The following ANKRD13B variants were observed in gnomAD, a reference collection of about 807,000 sequenced individuals.
ANKRD13B encodes ankyrin repeat domain 13B.
In ANKRD13B, 33 loss-of-function variants were observed where a neutral mutation model predicts 74.4. The observed-to-expected ratio is 0.44, with a 90% CI of 0.34 to 0.59. The LOEUF is 0.59. Ranked by LOEUF, ANKRD13B falls within the 20% of genes least tolerant of loss-of-function variation. The probability of loss-of-function intolerance (pLI) is 0.02; values close to 1 mark genes in which losing one functional copy is unlikely to be tolerated. For missense variants in ANKRD13B, 676 were observed against 877.9 expected (o/e 0.77, Z 2.91); for synonymous variants, 341 against 362.9 (o/e 0.94, Z 0.68).
At chr17:29,599,712 C>T (rs1216484583) in intron 1 of ANKRD13B, among the ~76,000 whole-genome samples, 2 of 151,860 alleles carry the variant, frequency 1.3e-5, no homozygotes, top group Non-Finnish European at 2.9e-5. Context: ...GGGCAGGAGA[C>T]GTCATGGAAA....
At chr17:29,594,282 A>G (rs549927396) in intron 1 of ANKRD13B, among the ~76,000 whole-genome samples, 56 of 152,316 alleles carry the variant, frequency 3.7e-4, no homozygotes, top group African/African-American at 1.2e-3. Context: ...GGAGTGGAGA[A>G]AGACCCTCTT....
At chr17:29,595,790 G>A (rs1191936631) in intron 1 of ANKRD13B, among the ~76,000 whole-genome samples, 4 of 152,296 alleles carry the variant, frequency 2.6e-5, no homozygotes, top group African/African-American at 9.6e-5. Flanking sequence ...CCACAGAGGA[G>A]CCAGGCCAGT....
intron 14 of ANKRD13B, 110 bp downstream of exon 14, chr17:29,613,073 C>T (rs919744960): frequency 1.1e-4 from 162 of 1,416,216 alleles, no homozygotes; most frequent in Non-Finnish European, 1.5e-4. Context: ...CTCCTGGTAT[C>T]GGGATGGCTT....
chr17:29,609,279 G>A lies in ANKRD13B; in HGVS notation c.755+4G>A. ...CCAAGAATATCTCCTTTGAGAGGTG[G>A]GTGGACATGGCCTTGGTCACCCTTG... is the stretch of plus-strand genomic sequence containing the variant. On this transcript the variant is annotated splice_donor_region_variant and intron_variant, in intron 6 of 14. Coordinates refer to ENST00000394859, the MANE Select transcript of ANKRD13B (RefSeq NM_152345.5). This position sits in a 1 kb window ranked among gnomAD's most constrained non-coding sequence, Gnocchi z 4.0. The A allele has an allele frequency of 1.2e-6, 2 of 1,612,964 alleles. No homozygotes were observed. The highest frequency in any genetic ancestry group is 1.7e-6 in the Non-Finnish European group (2 of 1,179,606).
At position 29,593,687 on chromosome 17, in the gene ANKRD13B, G is replaced by A. The variant is rs372428129; in HGVS notation, c.66G>A (p.Val22=). The change falls in exon 1 of 15, where the codon GTG becomes GTA. Residue 22 remains valine (V), a synonymous_variant. Transcript: ENST00000394859. Reference sequence around the variant, plus strand: ...GCAAGTATCCGCTGCACTACCTCGTGTGGCACAACCGCCACCGCGAGCTGG... The same window carrying A: ...GCAAGTATCCGCTGCACTACCTCGTATGGCACAACCGCCACCGCGAGCTGG... ...PEGKYPLHYL[V]WHNRHRELEK... 3.2e-4 allele frequency: 459 copies of A among 1,446,356 alleles called. No homozygotes were observed. Among genetic ancestry groups the A allele is most frequent in the Non-Finnish European group, 3.9e-4 (429 of 1,091,348 alleles). 89.6% of individuals were successfully genotyped at this position (1,446,356 alleles called of 1,614,324 possible).
intron 1 of ANKRD13B, among the ~76,000 whole-genome samples, chr17:29,600,499 A>G (rs889338366): frequency 6.6e-6 from 1 of 152,086 alleles, no homozygotes; most frequent in Non-Finnish European, 1.5e-5. Context: ...ACCATACCTC[A>G]TCCTCTGCTG....
chr17:29,613,710 A>C lies in ANKRD13B; in HGVS notation c.*128A>C. On this transcript the variant is annotated 3_prime_UTR_variant, in exon 15 of 15. Coordinates refer to ENST00000394859, the MANE Select transcript of ANKRD13B (RefSeq NM_152345.5). ...GGAGCCACCGCCTCGCGGGTGCAGC[A>C]GCACAGCAGGCACGGTTCGGGGAGG... is the stretch of plus-strand genomic sequence containing the variant. 1 of 1,345,144 alleles carries C rather than the reference A, an allele frequency of 7.4e-7. No homozygotes were observed. Among genetic ancestry groups the C allele is most frequent in the Non-Finnish European group, 9.6e-7 (1 of 1,043,196 alleles). The allele number at this position is 1,345,144 out of a possible 1,614,324, so 83.3% of individuals were successfully genotyped here. A position where few individuals can be genotyped will look rare whatever the true frequency, so the allele number is the denominator to read the frequency against.
Position 29,611,763 on chromosome 17 carries a change from A to T in ANKRD13B, c.970-113A>T. The T allele has an allele frequency of 6.4e-7, 1 of 1,571,006 alleles. No individual in the cohort carries two copies. The highest frequency in any genetic ancestry group is 8.7e-7 in the Non-Finnish European group (1 of 1,149,602). Reference sequence around the variant, plus strand: ...CCTCCTTTCCACAATGCCCAAGGCCATGTCAGCGCCACACTGGCAGAGGGG... The same window carrying T: ...CCTCCTTTCCACAATGCCCAAGGCCTTGTCAGCGCCACACTGGCAGAGGGG... On this transcript the variant is annotated intron_variant, in intron 9 of 14. Transcript: ENST00000394859. This position sits in a 1 kb window ranked among gnomAD's most constrained non-coding sequence, Gnocchi z 4.3.
rs1372813015 is a variant in ANKRD13B, at chr17:29,611,831, T to G, written c.970-45T>G. 6.4e-7 allele frequency: 1 copy of G among 1,565,374 alleles called. No individual in the cohort carries two copies. Among genetic ancestry groups the G allele is most frequent in the East Asian group, 2.3e-5 (1 of 44,324 alleles). ...TGACAACAAATGAGTTGGCCTGGCA[T>G]TAGGAACTGAGGGGAGCTCCTGGGC... On this transcript the variant is annotated intron_variant, in intron 9 of 14. Coordinates refer to ENST00000394859, the MANE Select transcript of ANKRD13B (RefSeq NM_152345.5). The surrounding 1 kb of genome is among the most constrained non-coding windows in gnomAD (Gnocchi z 4.3).
intron 1 of ANKRD13B, among the ~76,000 whole-genome samples, chr17:29,596,846 C>T (rs1440609354): frequency 6.6e-6 from 1 of 152,172 alleles, no homozygotes. Context: ...GCCACAAACC[C>T]CAGAAACCAA....
chr17:29,597,709 A>G (rs958214626), intron 1 of ANKRD13B, among the ~76,000 whole-genome samples: 2 of 152,078 alleles, frequency 1.3e-5, no homozygotes, highest in African/African-American at 2.4e-5. Flanking sequence ...TGCCACTTAC[A>G]CTGCAGGCGG....
intron 1 of ANKRD13B, among the ~76,000 whole-genome samples, chr17:29,604,758 G>C (rs1004477262): frequency 2.0e-5 from 3 of 151,788 alleles, no homozygotes; most frequent in Admixed American, 1.3e-4. Flanking sequence ...GGCCAGGCTG[G>C]TCTTGAACTC....
chr17:29,610,792 G>T, intron 8 of ANKRD13B, 26 bp downstream of exon 8: 1 of 1,611,500 alleles, frequency 6.2e-7, no homozygotes, highest in Non-Finnish European at 8.5e-7. Context: ...TGGATGGGGA[G>T]AGGTGTTGCA....
In ANKRD13B at chr17:29,613,609, G is replaced by A; in HGVS notation, c.*27G>A. 1 of 1,395,102 alleles carries A rather than the reference G, an allele frequency of 7.2e-7. No homozygotes were observed. Among genetic ancestry groups the A allele is most frequent in the Non-Finnish European group, 9.3e-7 (1 of 1,074,212 alleles). The allele number at this position is 1,395,102 out of a possible 1,614,324, so 86.4% of individuals were successfully genotyped here. ...GCCCCCTGCCGGGACCCTCGCCAGC[G>A]CCACGCGCGCCACGCCCAGGGCCAG... On this transcript the variant is annotated 3_prime_UTR_variant, in exon 15 of 15. Transcript: ENST00000394859.
chr17:29,606,075 G>C (rs1337990037), intron 1 of ANKRD13B, among the ~76,000 whole-genome samples: 1 of 151,562 alleles, frequency 6.6e-6, no homozygotes, highest in Non-Finnish European at 1.5e-5. Context: ...ACCACGCCTG[G>C]CTAATTTTGT....
At position 29,602,463 on chromosome 17, in the gene ANKRD13B, A is replaced by C. The variant is rs2150883955; in HGVS notation, c.115-5279A>C. Among the ~76,000 whole-genome samples the C allele has an allele frequency of 1.3e-5, 2 of 151,920 alleles. 1 individual carries two copies. Among genetic ancestry groups the C allele is most frequent in the South Asian group, 4.2e-4 (2 of 4,810 alleles). ...ATAAATACAAATTTGAGATGTTGGC[A>C]GGGTGGCAGTCCTTCCAAAGGCTCT... On this transcript the variant is annotated intron_variant, in intron 1 of 14. Coordinates refer to ENST00000394859, the MANE Select transcript of ANKRD13B (RefSeq NM_152345.5).
Position 29,612,620 on chromosome 17 carries a change from G to A in ANKRD13B, c.1412-32G>A. The A allele has an allele frequency of 3.3e-6, 5 of 1,520,412 alleles. No homozygotes were observed. Among genetic ancestry groups the A allele is most frequent in the Non-Finnish European group, 4.4e-6 (5 of 1,136,920 alleles). 94.2% of individuals were successfully genotyped at this position (1,520,412 alleles called of 1,614,324 possible). On this transcript the variant is annotated intron_variant, in intron 12 of 14. Transcript: ENST00000394859. This position sits in a 1 kb window ranked among gnomAD's most constrained non-coding sequence, Gnocchi z 6.1. ...CGGGGTGGGTGGGAGGGGCGCGCCC[G>A]GCCGTGCCTGACCCAGCCCCCGCGC...
intron 1 of ANKRD13B, among the ~76,000 whole-genome samples, chr17:29,602,469 G>A (rs187845047): frequency 4.6e-5 from 7 of 152,228 alleles, no homozygotes; most frequent in Admixed American, 4.6e-4. Context: ...TGGCAGGGTG[G>A]CAGTCCTTCC....
At chr17:29,596,404 G>A (rs1431760311) in intron 1 of ANKRD13B, among the ~76,000 whole-genome samples, 1 of 152,262 alleles carries the variant, frequency 6.6e-6, no homozygotes, top group Non-Finnish European at 1.5e-5. Flanking sequence ...GGGGGACAGG[G>A]TTGTAAGCCA....
Sources: allele counts gnomAD v4.1 joint callset (sites outside exome capture counted in the v4.1 genomes callset), GRCh38; gene constraint gnomAD v4.1.1; non-coding constraint Gnocchi (gnomAD v3.1); transcripts MANE v1.5; gene names NCBI Gene and HGNC (gene_info 2026-07-23, HGNC 2026-07-21).